The following GALNT13 variants were observed in gnomAD, a reference collection of about 807,000 sequenced individuals.
GALNT13 encodes the protein UDP-GalNAc:polypeptide N-acetylgalactosaminyltransferase 13.
A neutral mutation model predicts 64.2 loss-of-function variants in GALNT13; 28 were observed. The observed-to-expected ratio is 0.44, with a 90% CI of 0.32 to 0.60. The LOEUF is 0.60. Ranked by LOEUF, GALNT13 falls within the 20% of genes least tolerant of loss-of-function variation. GALNT13 has a pLI of 0.05. For missense variants in GALNT13, 577 were observed against 669.8 expected, an observed-to-expected ratio of 0.86 and a Z score of 1.53; for synonymous variants, 214 against 224.6, an observed-to-expected ratio of 0.95 and a Z score of 0.42.
chr2:154,188,592 A>G (rs533104132), intron 4 of GALNT13, among the ~76,000 whole-genome samples: 4 of 152,306 alleles, frequency 2.6e-5, no homozygotes, highest in Non-Finnish European at 5.9e-5. Context: ...CAAAAAAGAT[A>G]AGAATATTAA....
intron 4 of GALNT13, among the ~76,000 whole-genome samples, chr2:154,237,796 G>A (rs1324861558): frequency 2.0e-5 from 3 of 151,520 alleles, no homozygotes; most frequent in Non-Finnish European, 4.4e-5. Flanking sequence ...CATGTATTGA[G>A]TTTAATTGTC....
intron 3 of GALNT13, among the ~76,000 whole-genome samples, chr2:154,082,977 G>C (rs753112173): frequency 1.1e-4 from 16 of 151,914 alleles, no homozygotes; most frequent in Non-Finnish European, 2.4e-4. Flanking sequence ...TAGTCATGAA[G>C]TCTTTGCACA....
the GALNT13 span, among the ~76,000 whole-genome samples, chr2:153,399,737 G>A: frequency 2.0e-5 from 3 of 152,134 alleles, no homozygotes; most frequent in Non-Finnish European, 4.4e-5. Context: ...TCTGTGGTTG[G>A]TGTATAAGAA....
At chr2:154,284,487 A>ATG (rs1455467434) in intron 8 of GALNT13, among the ~76,000 whole-genome samples, 4 of 151,812 alleles carry the variant, frequency 2.6e-5, no homozygotes, top group African/African-American at 7.3e-5. Context: ...ATATATATAT[A>ATG]TGTGTGTATA....
intron 3 of GALNT13, among the ~76,000 whole-genome samples, chr2:154,127,994 T>G (rs1682391991): frequency 6.6e-6 from 1 of 151,984 alleles, no homozygotes; most frequent in African/African-American, 2.4e-5. Flanking sequence ...AATTCTATAA[T>G]GTAATCTTTT....
chr2:153,435,777 G>T, the GALNT13 span, among the ~76,000 whole-genome samples: 1 of 151,992 alleles, frequency 6.6e-6, no homozygotes, highest in Non-Finnish European at 1.5e-5. Context: ...CTGCAAACAG[G>T]GACAATTTGA....
At chr2:153,795,784 C>T in the GALNT13 span, among the ~76,000 whole-genome samples, 1 of 152,062 alleles carries the variant, frequency 6.6e-6, no homozygotes, top group Non-Finnish European at 1.5e-5. Context: ...AAAAGATTAC[C>T]CTCAATTTGA....
At chr2:154,379,309 T>C (rs1698153258) in intron 9 of GALNT13, among the ~76,000 whole-genome samples, 1 of 152,056 alleles carries the variant, frequency 6.6e-6, no homozygotes. Flanking sequence ...CTACTTTTTT[T>C]TAGAGCCTTA....
intron 11 of GALNT13, among the ~76,000 whole-genome samples, chr2:154,427,703 T>C (rs979751570): frequency 1.3e-5 from 2 of 152,148 alleles, no homozygotes; most frequent in Non-Finnish European, 2.9e-5. Context: ...ATAAGTGATA[T>C]CATGTAGATG....
chr2:153,305,416 C>G, the GALNT13 span, among the ~76,000 whole-genome samples: 1 of 152,090 alleles, frequency 6.6e-6, no homozygotes, highest in Non-Finnish European at 1.5e-5. Context: ...GCACACTGTG[C>G]TATTGGAGGT....
the GALNT13 span, among the ~76,000 whole-genome samples, chr2:153,143,231 G>A: frequency 1.3e-5 from 2 of 151,890 alleles, no homozygotes; most frequent in East Asian, 1.9e-4. Flanking sequence ...AAGGCAGGTC[G>A]AATGTACATG....
At chr2:153,768,795 G>A in the GALNT13 span, among the ~76,000 whole-genome samples, 2 of 152,136 alleles carry the variant, frequency 1.3e-5, no homozygotes, top group Non-Finnish European at 2.9e-5. Flanking sequence ...GAACCCAGGA[G>A]GCGGAGCTTA....
chr2:154,247,944 C>T (rs1344897980), intron 7 of GALNT13, among the ~76,000 whole-genome samples: 1 of 151,998 alleles, frequency 6.6e-6, no homozygotes, highest in Non-Finnish European at 1.5e-5. Context: ...GTAATGTGAA[C>T]GTTCCTTCTA....
At chr2:153,443,059 T>C in the GALNT13 span, among the ~76,000 whole-genome samples, 1 of 151,988 alleles carries the variant, frequency 6.6e-6, no homozygotes, top group Non-Finnish European at 1.5e-5. Flanking sequence ...GAGTGAACGG[T>C]TTTGTCTCGC....
the GALNT13 span, among the ~76,000 whole-genome samples, chr2:153,348,499 A>G: frequency 3.9e-5 from 6 of 152,204 alleles, no homozygotes; most frequent in Non-Finnish European, 8.8e-5. Flanking sequence ...TCTTTAGATA[A>G]TGACAAGCTT....
rs1356571076 is a variant in GALNT13, at chr2:154,269,926, T to TATATATATATATATATA, written c.975+10788_975+10789insATATATATATATATATA. On this transcript the variant is annotated intron_variant, in intron 8 of 12. Transcript: ENST00000392825. ...TATGTGTATATATATATATATATAT[T>TATATATATATATATATA]TCTAAAGCACAGGGTGAGTAGGTGT... Among the ~76,000 whole-genome samples, 19 of 33,328 alleles carry TATATATATATATATATA rather than the reference T, an allele frequency of 5.7e-4. 1 individual carries two copies. Among genetic ancestry groups the TATATATATATATATATA allele is most frequent in the African/African-American group, 1.1e-3 (14 of 12,596 alleles). 21.9% of individuals were successfully genotyped at this position (33,328 alleles called of 152,430 possible).
chr2:153,457,526 T>C, the GALNT13 span, among the ~76,000 whole-genome samples: 5 of 152,344 alleles, frequency 3.3e-5, no homozygotes, highest in East Asian at 9.6e-4. Context: ...TAAGCACTTA[T>C]TGAACTAGAC....
the GALNT13 span, chr2:153,478,697 G>T: frequency 1.5e-5 from 11 of 755,074 alleles, no homozygotes; most frequent in Admixed American, 3.0e-4. Flanking sequence ...CTCTGCTTTC[G>T]AAAGTCCCTG....
chr2:153,968,132 A>G (rs1244872342), intron 3 of GALNT13, among the ~76,000 whole-genome samples: 2 of 152,088 alleles, frequency 1.3e-5, no homozygotes, highest in Non-Finnish European at 2.9e-5. Flanking sequence ...CTCTGAGACC[A>G]GCCTAGCACC....
Sources: allele counts gnomAD v4.1 joint callset (sites outside exome capture counted in the v4.1 genomes callset), GRCh38; gene constraint gnomAD v4.1.1; transcripts MANE v1.5; gene names NCBI Gene and HGNC (gene_info 2026-07-23, HGNC 2026-07-21).